Variants in TMEFF1 observed in about 807,000 individuals in gnomAD.
TMEFF1 encodes transmembrane protein with EGF like and two follistatin like domains 1, also known as tomoregulin-1.
TMEFF1 carries 20 observed loss-of-function variants against 47.5 expected under a neutral mutation model. That is an observed-to-expected ratio of 0.42 (90% CI 0.30 to 0.61). TMEFF1 has a LOEUF of 0.61. TMEFF1 is among the 20% of genes least tolerant of loss of function. TMEFF1 has a pLI of 0.19. For missense variants in TMEFF1, 411 were observed against 471.1 expected (o/e 0.87, Z 1.18); for synonymous variants, 162 against 166.3 (o/e 0.97, Z 0.20).
chr9:100,476,096 T>A (rs1041811595), intron 1 of TMEFF1, among the ~76,000 whole-genome samples: 1 of 152,276 alleles, frequency 6.6e-6, no homozygotes, highest in South Asian at 2.1e-4. Flanking sequence ...ATCACTGATA[T>A]AAATGTCAAT....
At position 100,567,907 on chromosome 9, in the gene TMEFF1, G is replaced by T. The variant is rs561200080; in HGVS notation, c.900-4611G>T. On this transcript the variant is annotated intron_variant, in intron 8 of 9. Coordinates refer to ENST00000374879, the MANE Select transcript of TMEFF1 (RefSeq NM_003692.5). ...CATGGGGGAAGGCAAAGAGGAGCAA[G>T]TCACATCTTACCTGGATGGCAGCCA... 6.6e-5 allele frequency among the ~76,000 whole-genome samples: 10 copies of T among 152,302 alleles called. No homozygotes were observed. The South Asian group carries it at 8.3e-4, about 13-fold the overall frequency.
At chr9:100,572,763 G>C in intron 9 of TMEFF1, 87 bp downstream of exon 9, 2 of 1,445,476 alleles carry the variant, frequency 1.4e-6, no homozygotes, top group Non-Finnish European at 1.8e-6. Context: ...CAGTCTATTA[G>C]GAAAAATCTT....
chr9:100,477,080 G>A (rs542451037), intron 1 of TMEFF1, among the ~76,000 whole-genome samples: 1 of 152,302 alleles, frequency 6.6e-6, no homozygotes, highest in South Asian at 2.1e-4. Flanking sequence ...AGCCTACTGT[G>A]AGCTTTCTGG....
At chr9:100,564,499 C>G (rs543362122) in intron 8 of TMEFF1, among the ~76,000 whole-genome samples, 1 of 152,276 alleles carries the variant, frequency 6.6e-6, no homozygotes, top group African/African-American at 2.4e-5. Context: ...AGCATACAAC[C>G]TGGTGAAAGA....
At chr9:100,481,169 C>G (rs1253725393) in intron 1 of TMEFF1, among the ~76,000 whole-genome samples, 3 of 152,220 alleles carry the variant, frequency 2.0e-5, no homozygotes, top group African/African-American at 7.2e-5. Context: ...ATATCCTAAT[C>G]TTCCTTCGTG....
intron 5 of TMEFF1, among the ~76,000 whole-genome samples, chr9:100,546,462 G>A (rs536739100): frequency 8.2e-5 from 12 of 145,610 alleles, no homozygotes; most frequent in Non-Finnish European, 1.6e-4. Context: ...CACAACACAC[G>A]GGAATTGTGG....
chr9:100,563,279 T>C (rs1373000147), intron 8 of TMEFF1, among the ~76,000 whole-genome samples: 2 of 152,238 alleles, frequency 1.3e-5, no homozygotes, highest in Admixed American at 6.5e-5. Flanking sequence ...CTAAATCTTA[T>C]AGTGGGCTCT....
At chr9:100,502,287 A>G (rs1837776594) in intron 2 of TMEFF1, among the ~76,000 whole-genome samples, 1 of 152,134 alleles carries the variant, frequency 6.6e-6, no homozygotes, top group African/African-American at 2.4e-5. Context: ...AAATAATTGT[A>G]TATCTTAGTT....
At chr9:100,572,151 T>A (rs554746640) in intron 8 of TMEFF1, among the ~76,000 whole-genome samples, 2 of 152,274 alleles carry the variant, frequency 1.3e-5, no homozygotes, top group South Asian at 4.2e-4. Flanking sequence ...TATTTGTCAA[T>A]TTTTAAGCAA....
intron 5 of TMEFF1, among the ~76,000 whole-genome samples, chr9:100,547,112 C>T (rs965037912): frequency 2.2e-4 from 33 of 152,110 alleles, no homozygotes; most frequent in African/African-American, 8.0e-4. Context: ...ACCTCCTGGG[C>T]TTAAGTGATC....
Position 100,473,897 on chromosome 9 carries a change from C to T in TMEFF1, c.196+157C>T, listed in dbSNP as rs1837169368. On this transcript the variant is annotated intron_variant, in intron 1 of 9. Transcript: ENST00000374879. The surrounding 1 kb of genome is among the most constrained non-coding windows in gnomAD (Gnocchi z 5.4). ...GGGCGGAGGGCAGGGCGCGAGCGTG[C>T]GGTGTGGCTTTGGGACCGGCGCTGG... 6.6e-6 allele frequency among the ~76,000 whole-genome samples: 1 copy of T among 151,118 alleles called. No individual in the cohort carries two copies. Among genetic ancestry groups the T allele is most frequent in the East Asian group, 2.0e-4 (1 of 5,062 alleles).
chr9:100,479,373 A>G (rs1225234298), intron 1 of TMEFF1, among the ~76,000 whole-genome samples: 1 of 152,202 alleles, frequency 6.6e-6, no homozygotes, highest in Non-Finnish European at 1.5e-5. Context: ...ATCAATAAGC[A>G]TTTATTGAGC....
intron 5 of TMEFF1, among the ~76,000 whole-genome samples, chr9:100,517,479 C>T (rs766656089): frequency 3.9e-5 from 6 of 152,104 alleles, no homozygotes; most frequent in Non-Finnish European, 5.9e-5. Flanking sequence ...ACTGCATATT[C>T]GAGCCTTTCA....
chr9:100,482,452 C>G (rs1211541445), intron 1 of TMEFF1, among the ~76,000 whole-genome samples: 7 of 152,116 alleles, frequency 4.6e-5, no homozygotes, highest in Non-Finnish European at 1.0e-4. Flanking sequence ...CCCGCCTCGG[C>G]CTCCCAAAGT....
chr9:100,500,189 TCTGA>T (rs1313692842), intron 2 of TMEFF1, among the ~76,000 whole-genome samples: 1 of 152,364 alleles, frequency 6.6e-6, no homozygotes, highest in Non-Finnish European at 1.5e-5. Flanking sequence ...GTCATTTTTC[TCTGA>T]CTGCTTTCAA....
intron 5 of TMEFF1, among the ~76,000 whole-genome samples, chr9:100,521,284 A>G (rs767364613): frequency 2.0e-5 from 3 of 151,942 alleles, no homozygotes; most frequent in Non-Finnish European, 4.4e-5. Flanking sequence ...CCTTCCTGAA[A>G]CTCACTGCAT....
chr9:100,526,322 T>A (rs1351550101), intron 5 of TMEFF1, among the ~76,000 whole-genome samples: 1 of 152,184 alleles, frequency 6.6e-6, no homozygotes, highest in Non-Finnish European at 1.5e-5. Context: ...CTTACTGACT[T>A]CCATTTTGAA....
intron 1 of TMEFF1, among the ~76,000 whole-genome samples, chr9:100,494,799 A>G (rs912112757): frequency 6.6e-6 from 1 of 152,226 alleles, no homozygotes; most frequent in Non-Finnish European, 1.5e-5. Flanking sequence ...CTACAAAACA[A>G]TTTAAAATGT....
intron 7 of TMEFF1, among the ~76,000 whole-genome samples, chr9:100,557,092 A>G (rs1838928394): frequency 6.6e-6 from 1 of 150,646 alleles, no homozygotes; most frequent in African/African-American, 2.4e-5. Flanking sequence ...ATTATCTTGT[A>G]TGCTGGTATC....
Sources: gnomAD v4.1 joint callset for allele counts (sites outside exome capture counted in the v4.1 genomes callset) on GRCh38, gnomAD v4.1.1 for gene constraint, Gnocchi (gnomAD v3.1) non-coding constraint, MANE v1.5 for transcripts, NCBI Gene and HGNC (gene_info 2026-07-23, HGNC 2026-07-21) for gene names.